The following FSTL5 variants were observed in gnomAD, a reference collection of about 807,000 sequenced individuals.
FSTL5 encodes follistatin-related protein 5.
In FSTL5, 62 loss-of-function variants were observed where a neutral mutation model predicts 89.1. That is an observed-to-expected ratio of 0.70 (90% confidence interval 0.57 to 0.86). The LOEUF (loss-of-function observed/expected upper bound fraction) is 0.86, where lower values mean the gene tolerates loss of function less well. FSTL5 is among the 40% of genes least tolerant of loss of function. The probability of loss-of-function intolerance (pLI) is 0.00; values close to 1 mark genes in which losing one functional copy is unlikely to be tolerated. For missense variants in FSTL5, 1,057 were observed against 1,001.6 expected, an observed-to-expected ratio of 1.06 and a Z score of -0.75; for synonymous variants, 383 against 346.2, an observed-to-expected ratio of 1.11 and a Z score of -1.18.
At chr4:161,846,319 A>G (rs1409689167) in intron 4 of FSTL5, among the ~76,000 whole-genome samples, 1 of 152,090 alleles carries the variant, frequency 6.6e-6, no homozygotes, top group Non-Finnish European at 1.5e-5. Flanking sequence ...AAATTCTATA[A>G]TCATATAATC....
chr4:161,725,736 A>T (rs1739375568), intron 6 of FSTL5, among the ~76,000 whole-genome samples: 1 of 152,152 alleles, frequency 6.6e-6, no homozygotes, highest in Non-Finnish European at 1.5e-5. Context: ...AATTATAGAA[A>T]TAATGATAAT....
intron 4 of FSTL5, among the ~76,000 whole-genome samples, chr4:161,870,040 G>A (rs1031875684): frequency 6.6e-6 from 1 of 152,142 alleles, no homozygotes; most frequent in Non-Finnish European, 1.5e-5. Flanking sequence ...TCTTAAGACT[G>A]CAAGGTAAAT....
At chr4:161,749,716 C>T (rs924526122) in intron 6 of FSTL5, among the ~76,000 whole-genome samples, 16 of 151,840 alleles carry the variant, frequency 1.1e-4, no homozygotes, top group African/African-American at 1.9e-4. Flanking sequence ...GGCGTGAACC[C>T]GACAGGCGGA....
chr4:162,046,075 T>G (rs529486655), intron 2 of FSTL5, among the ~76,000 whole-genome samples: 2 of 152,302 alleles, frequency 1.3e-5, no homozygotes, highest in South Asian at 2.1e-4. Context: ...TTTCTTATTA[T>G]CATCTTGCCA....
chr4:161,514,267 A>G (rs1239670184), intron 10 of FSTL5, among the ~76,000 whole-genome samples: 1 of 152,022 alleles, frequency 6.6e-6, no homozygotes, highest in Non-Finnish European at 1.5e-5. Context: ...ACAGACACAC[A>G]CACCATGGAA....
At chr4:161,691,626 A>G (rs1193468089) in intron 6 of FSTL5, among the ~76,000 whole-genome samples, 3 of 152,190 alleles carry the variant, frequency 2.0e-5, no homozygotes, top group Admixed American at 6.5e-5. Flanking sequence ...CCATCTTAAC[A>G]ATATTGAAGT....
At chr4:161,807,388 A>G (rs1194145108) in intron 4 of FSTL5, among the ~76,000 whole-genome samples, 1 of 152,138 alleles carries the variant, frequency 6.6e-6, no homozygotes, top group Non-Finnish European at 1.5e-5. Flanking sequence ...TTAAATAGTC[A>G]TTGTGAAGTA....
intron 2 of FSTL5, among the ~76,000 whole-genome samples, chr4:162,100,054 A>T (rs1730927129): frequency 6.6e-6 from 1 of 152,188 alleles, no homozygotes; most frequent in Non-Finnish European, 1.5e-5. Context: ...TGATCCAGCG[A>T]TCATGCTCCT....
At chr4:161,515,148 A>T (rs892816535) in intron 10 of FSTL5, among the ~76,000 whole-genome samples, 15 of 148,160 alleles carry the variant, frequency 1.0e-4, no homozygotes, top group Admixed American at 4.0e-4. Flanking sequence ...ACATTAAATT[A>T]AAAAAAACCT....
chr4:161,857,733 T>C (rs1438390879), intron 4 of FSTL5, among the ~76,000 whole-genome samples: 1 of 152,234 alleles, frequency 6.6e-6, no homozygotes, highest in Non-Finnish European at 1.5e-5. Flanking sequence ...TTTGCACTAC[T>C]AGGACCTGGA....
intron 6 of FSTL5, among the ~76,000 whole-genome samples, chr4:161,704,600 G>T (rs902818787): frequency 1.3e-5 from 2 of 151,662 alleles, no homozygotes; most frequent in Admixed American, 6.6e-5. Context: ...TTTTCCTCTG[G>T]TAAAGAATTT....
chr4:161,568,541 G>A (rs2126582060), intron 8 of FSTL5, among the ~76,000 whole-genome samples: 1 of 152,236 alleles, frequency 6.6e-6, no homozygotes, highest in East Asian at 1.9e-4. Flanking sequence ...TATTGGGTAA[G>A]TTTTCCCCAT....
intron 4 of FSTL5, among the ~76,000 whole-genome samples, chr4:161,835,454 G>C (rs1401298004): frequency 6.6e-6 from 1 of 151,960 alleles, no homozygotes; most frequent in Non-Finnish European, 1.5e-5. Flanking sequence ...TTGACAAATG[G>C]GATCTAATTA....
At chr4:161,512,321 A>G (rs927710152) in intron 10 of FSTL5, among the ~76,000 whole-genome samples, 1 of 152,142 alleles carries the variant, frequency 6.6e-6, no homozygotes, top group Non-Finnish European at 1.5e-5. Context: ...TAGAACAGGC[A>G]ATCTCTGTGC....
chr4:161,740,124 A>T (rs184688355), intron 6 of FSTL5, among the ~76,000 whole-genome samples: 13 of 151,888 alleles, frequency 8.6e-5, no homozygotes, highest in Admixed American at 2.0e-4. Context: ...GGTTCAAGCG[A>T]TTTTCCTGCC....
intron 10 of FSTL5, among the ~76,000 whole-genome samples, chr4:161,532,290 C>T (rs1289775248): frequency 1.3e-5 from 2 of 151,754 alleles, no homozygotes; most frequent in Admixed American, 6.6e-5. Context: ...GTGCTTTATA[C>T]GTAAGATCGA....
chr4:162,007,998 G>GT (rs1269502208), intron 3 of FSTL5, among the ~76,000 whole-genome samples: 7 of 151,820 alleles, frequency 4.6e-5, no homozygotes, highest in Admixed American at 1.3e-4. Flanking sequence ...ACTTTGGACA[G>GT]TGTGGAAGTT....
In FSTL5 at chr4:161,457,109, T is replaced by A. The variant is rs112558958; in HGVS notation, c.1717-1981A>T. ...GAGGCATAAACACTAACATGATCCA[T>A]GAGTGAGAAATGGCCTATTCTCTGA... On this transcript the variant is annotated intron_variant, in intron 14 of 15. Coordinates refer to ENST00000306100, the MANE Select transcript of FSTL5 (RefSeq NM_020116.5). 6.7e-3 allele frequency among the ~76,000 whole-genome samples: 1,022 copies of A among 152,300 alleles called. 13 individuals are homozygous for A. Among genetic ancestry groups the A allele is most frequent in the African/African-American group, 0.021 (885 of 41,568 alleles).
rs564383609 is a variant in FSTL5 at position 161,610,265 on chromosome 4, C to G, written c.895-22690G>C. Among the ~76,000 whole-genome samples, 4 of 152,100 alleles carry G rather than the reference C, an allele frequency of 2.6e-5. No individual in the cohort carries two copies. The East Asian group carries it at 7.7e-4, about 29-fold the overall frequency. Reference sequence around the variant, plus strand: ...TCATGTTGCACACATTTGTAAAGTGCCCTGTTGTATGTGTAAAAATAAAGC... The same window carrying G: ...TCATGTTGCACACATTTGTAAAGTGGCCTGTTGTATGTGTAAAAATAAAGC... On this transcript the variant is annotated intron_variant, in intron 7 of 15. Coordinates refer to ENST00000306100, the MANE Select transcript of FSTL5 (RefSeq NM_020116.5).
Sources: allele counts gnomAD v4.1 joint callset (sites outside exome capture counted in the v4.1 genomes callset), GRCh38; gene constraint gnomAD v4.1.1; transcripts MANE v1.5; gene names NCBI Gene and HGNC (gene_info 2026-07-23, HGNC 2026-07-21).